Variants in GCA observed in about 807,000 individuals in gnomAD.
The protein encoded by GCA is grancalcin, also known as grancalcin, EF-hand calcium-binding protein.
A neutral mutation model predicts 32.6 loss-of-function variants in GCA; 30 were observed. That is an observed-to-expected ratio of 0.92 (90% CI 0.69 to 1.25). GCA has a LOEUF of 1.25. Ranked by LOEUF, GCA falls within the 50% of genes most tolerant of loss-of-function variation. The pLI, the probability that GCA is intolerant of heterozygous loss-of-function variation, is 0.00. For missense variants in GCA, 291 were observed against 266.8 expected, an observed-to-expected ratio of 1.09 and a Z score of -0.63; for synonymous variants, 102 against 84.6, an observed-to-expected ratio of 1.21 and a Z score of -1.13.
upstream of GCA, among the ~76,000 whole-genome samples, chr2:162,343,598 A>G (rs555207126): frequency 5.3e-5 from 8 of 152,212 alleles, no homozygotes; most frequent in Non-Finnish European, 1.0e-4. Flanking sequence ...TGTTCGTCCA[A>G]TGTGGCCTCA....
rs189384351 is a variant in GCA, at chr2:162,354,312, C to T, written c.262+1905C>T. ...CTGGGTGTCAGTATCTTTAGGGATT[C>T]CCTTTTGGACTGGGTTTTCAGTTGA... On this transcript the variant is annotated intron_variant, in intron 3 of 7. Transcript: ENST00000437150. Among the ~76,000 whole-genome samples, 814 of 152,180 alleles carry T rather than the reference C, an allele frequency of 5.3e-3. 5 individuals are homozygous for T. The highest frequency in any genetic ancestry group is 0.01 in the Admixed American group (160 of 15,284).
At chr2:162,334,522 G>A (rs986524675) in intron 1 of GCA, among the ~76,000 whole-genome samples, 1 of 152,132 alleles carries the variant, frequency 6.6e-6, no homozygotes, top group African/African-American at 2.4e-5. Context: ...AAGGGACAAG[G>A]TAACATGTAT....
intron 2 of GCA, among the ~76,000 whole-genome samples, chr2:162,348,113 G>A (rs1388503614): frequency 6.6e-6 from 1 of 152,006 alleles, no homozygotes; most frequent in Non-Finnish European, 1.5e-5. Context: ...TAATTTTTCT[G>A]TCACTTAAAT....
chr2:162,373,062 G>A (rs1686020586), downstream of GCA, among the ~76,000 whole-genome samples: 1 of 151,966 alleles, frequency 6.6e-6, no homozygotes, highest in African/African-American at 2.4e-5. Flanking sequence ...CCAGCCTTTG[G>A]CACTGTAGAA....
chr2:162,322,098 A>G (rs1683694080), intron 1 of GCA, among the ~76,000 whole-genome samples: 1 of 150,290 alleles, frequency 6.7e-6, no homozygotes, highest in Non-Finnish European at 1.5e-5. Flanking sequence ...AGCCTAAAAT[A>G]GAAAAAAAAT....
downstream of GCA, among the ~76,000 whole-genome samples, chr2:162,368,091 A>G (rs916692999): frequency 5.3e-5 from 8 of 151,884 alleles, no homozygotes; most frequent in African/African-American, 1.9e-4. Context: ...TCCCACCCCT[A>G]AATTTTCTGA....
chr2:162,338,031 T>C (rs1684327820), intron 1 of GCA, among the ~76,000 whole-genome samples: 1 of 152,214 alleles, frequency 6.6e-6, no homozygotes, highest in Admixed American at 6.5e-5. Flanking sequence ...TTGATCTGTG[T>C]CTACATCCAC....
chr2:162,356,633 A>G lies in GCA; in HGVS notation c.307-125A>G. On this transcript the variant is annotated intron_variant, in intron 4 of 7. Coordinates refer to ENST00000437150, the MANE Select transcript of GCA (RefSeq NM_012198.5). ...TTAAATTCTAGGCTTTCTAGTTTTT[A>G]TGCAGAAGTCTGTTCATATAATGAG... 18 of 858,694 alleles carry G rather than the reference A, an allele frequency of 2.1e-5. No homozygotes were observed. The South Asian group carries it at 3.0e-4, about 14-fold the overall frequency. The allele number at this position is 858,694 out of a possible 1,614,324, so 53.2% of individuals were successfully genotyped here.
intron 1 of GCA, chr2:162,344,589 C>A (rs1558892596): frequency 2.2e-6 from 1 of 462,738 alleles, no homozygotes; most frequent in East Asian, 3.6e-5. Flanking sequence ...TTCCAGTAAT[C>A]GTTTGTGGTA....
chr2:162,349,220 G>GAAAT lies in GCA; in HGVS notation c.192+1480_192+1481insATAA, dbSNP rs1684863753. ...TATCAGTGGGGAAAGAATGATTCCT[G>GAAAT]AATTAACTATCCTGAAATAATTAAC... On this transcript the variant is annotated intron_variant, in intron 2 of 7. Transcript: ENST00000437150. 2.0e-5 allele frequency among the ~76,000 whole-genome samples: 3 copies of GAAAT among 152,196 alleles called. No homozygotes were observed. In the South Asian group the frequency reaches 6.2e-4, roughly 32 times the overall value.
intron 4 of GCA, 138 bp downstream of exon 4, chr2:162,356,619 G>A: frequency 3.5e-6 from 3 of 855,708 alleles, no homozygotes; most frequent in Non-Finnish European, 5.6e-6. Flanking sequence ...TAAATTCTAG[G>A]CTTTCTAGTT....
intron 1 of GCA, among the ~76,000 whole-genome samples, chr2:162,345,334 C>A (rs946662611): frequency 2.0e-5 from 3 of 152,100 alleles, no homozygotes; most frequent in Non-Finnish European, 4.4e-5. Flanking sequence ...GAAAGTAAAG[C>A]CCCTTCGAAG....
downstream of GCA, chr2:162,372,193 T>A: frequency 2.0e-6 from 2 of 991,592 alleles, no homozygotes; most frequent in Non-Finnish European, 2.9e-6. Context: ...CTTTCCTCAT[T>A]AATCTATATT....
chr2:162,359,272 G>C (rs1685449924), intron 6 of GCA, 115 bp downstream of exon 6: 2 of 687,442 alleles, frequency 2.9e-6, no homozygotes, highest in Non-Finnish European at 5.1e-6. Context: ...TTTATTCACT[G>C]TTAAATCTAA....
intron 1 of GCA, among the ~76,000 whole-genome samples, chr2:162,332,241 G>A (rs374304142): frequency 6.7e-5 from 10 of 149,338 alleles, no homozygotes; most frequent in Admixed American, 3.4e-4. Context: ...CCCAGGAGGC[G>A]GAGCTTGCAG....
intron 1 of GCA, among the ~76,000 whole-genome samples, chr2:162,330,215 G>T (rs1684027928): frequency 6.6e-6 from 1 of 152,084 alleles, no homozygotes; most frequent in Non-Finnish European, 1.5e-5. Flanking sequence ...GGGTCAAATG[G>T]TATTTCTGTC....
intron 3 of GCA, among the ~76,000 whole-genome samples, chr2:162,353,006 G>A (rs1014294465): frequency 6.6e-6 from 1 of 152,128 alleles, no homozygotes; most frequent in Non-Finnish European, 1.5e-5. Flanking sequence ...GGGATATGCA[G>A]TTTTTTATGT....
Position 162,362,288 on chromosome 2 carries a change from C to T in GCA, c.*2045C>T, listed in dbSNP as rs377442948. 7.3e-5 allele frequency: 72 copies of T among 984,468 alleles called. 2 individuals carry two copies. The East Asian group carries it at 1.3e-3, about 17-fold the overall frequency. The allele number at this position is 984,468 out of a possible 1,614,324, so 61.0% of individuals were successfully genotyped here. On this transcript the variant is annotated 3_prime_UTR_variant, in exon 8 of 8. Transcript: ENST00000437150. ...TCTAGCAAAACCTAACATTCTATGCCGATCCAACTTAATTGCCAGGCAACT... is the reference window on the plus strand; with the variant it reads ...TCTAGCAAAACCTAACATTCTATGCTGATCCAACTTAATTGCCAGGCAACT...
chr2:162,355,444 A>G (rs1685216079), intron 3 of GCA, among the ~76,000 whole-genome samples: 1 of 152,100 alleles, frequency 6.6e-6, no homozygotes, highest in African/African-American at 2.4e-5. Flanking sequence ...AAATGTTAAG[A>G]TGTTATGGAT....
Sources: gnomAD v4.1 joint callset for allele counts (sites outside exome capture counted in the v4.1 genomes callset) on GRCh38, gnomAD v4.1.1 for gene constraint, MANE v1.5 for transcripts, NCBI Gene and HGNC (gene_info 2026-07-23, HGNC 2026-07-21) for gene names.